Variants in SGCD observed in about 807,000 individuals in gnomAD.
SGCD encodes sarcoglycan delta, also known as delta-sarcoglycan.
In SGCD, 18 loss-of-function variants were observed where a neutral mutation model predicts 36.6. That is an observed-to-expected ratio of 0.49 (90% CI 0.34 to 0.73). The LOEUF is 0.73. Among genes scored for constraint, SGCD ranks in the 30% least tolerant of loss-of-function variants. The probability of loss-of-function intolerance (pLI) is 0.01; values close to 1 mark genes in which losing one functional copy is unlikely to be tolerated. For synonymous variants in SGCD, 133 were observed against 130.6 expected (o/e 1.02, Z -0.12); for missense variants, 387 against 346.7 (o/e 1.12, Z -0.92).
chr5:156,611,213 G>A (rs1194008888), intron 6 of SGCD, among the ~76,000 whole-genome samples: 3 of 152,236 alleles, frequency 2.0e-5, no homozygotes, highest in Non-Finnish European at 2.9e-5. Context: ...TACTTCTACA[G>A]TGAGCTTTAT....
At chr5:156,074,059 A>G (rs114064656) in intron 1 of SGCD, among the ~76,000 whole-genome samples, 1 of 152,216 alleles carries the variant, frequency 6.6e-6, no homozygotes, top group South Asian at 2.1e-4. Flanking sequence ...AGGAAGAGAA[A>G]TGGAGGGATA....
intron 1 of SGCD, among the ~76,000 whole-genome samples, chr5:155,982,979 C>T (rs965855087): frequency 9.2e-5 from 14 of 152,116 alleles, no homozygotes; most frequent in African/African-American, 3.4e-4. Context: ...AGGCAGGATC[C>T]AGTGCTTTTT....
intron 7 of SGCD, among the ~76,000 whole-genome samples, chr5:156,725,292 T>G (rs549140564): frequency 4.2e-4 from 64 of 152,318 alleles, no homozygotes; most frequent in African/African-American, 1.5e-3. Context: ...TCAGAAATGC[T>G]GTAGAGAGCC....
chr5:156,588,311 A>C (rs371427903), intron 4 of SGCD, among the ~76,000 whole-genome samples: 1 of 152,158 alleles, frequency 6.6e-6, no homozygotes, highest in South Asian at 2.1e-4. Flanking sequence ...TGTCATATTC[A>C]GATTATATTA....
At chr5:156,288,518 G>A (rs1365919751) in intron 3 of SGCD, among the ~76,000 whole-genome samples, 1 of 152,034 alleles carries the variant, frequency 6.6e-6, no homozygotes, top group African/African-American at 2.4e-5. Flanking sequence ...TTCAGTGTTT[G>A]TCCAAAAGAG....
intron 1 of SGCD, among the ~76,000 whole-genome samples, chr5:156,079,908 C>T (rs964761307): frequency 6.6e-6 from 1 of 152,200 alleles, no homozygotes; most frequent in African/African-American, 2.4e-5. Context: ...ACACAGTGCC[C>T]ACTGTGTGGG....
chr5:156,667,959 G>A (rs1753123262), intron 7 of SGCD, among the ~76,000 whole-genome samples: 1 of 152,126 alleles, frequency 6.6e-6, no homozygotes, highest in African/African-American at 2.4e-5. Flanking sequence ...TTAACAACAT[G>A]CACATAGGAA....
chr5:155,834,394 T>C, the SGCD span, among the ~76,000 whole-genome samples: 1 of 152,220 alleles, frequency 6.6e-6, no homozygotes, highest in Non-Finnish European at 1.5e-5. Context: ...GTTGGCTATA[T>C]ATGTTCATAA....
intron 1 of SGCD, among the ~76,000 whole-genome samples, chr5:155,983,751 A>C (rs1203517438): frequency 6.6e-6 from 1 of 152,208 alleles, no homozygotes; most frequent in Non-Finnish European, 1.5e-5. Context: ...AGAATGACAA[A>C]TTTGTACTGA....
intron 4 of SGCD, among the ~76,000 whole-genome samples, chr5:156,522,740 A>C (rs1473827344): frequency 6.6e-6 from 1 of 151,824 alleles, no homozygotes; most frequent in Non-Finnish European, 1.5e-5. Flanking sequence ...AGCACTTAAA[A>C]AAAAAAAAGA....
At chr5:156,516,317 C>T (rs1757157926) in intron 4 of SGCD, among the ~76,000 whole-genome samples, 1 of 152,152 alleles carries the variant, frequency 6.6e-6, no homozygotes, top group African/African-American at 2.4e-5. Context: ...GACAGAGCTC[C>T]CAGAGGAAGG....
intron 3 of SGCD, among the ~76,000 whole-genome samples, chr5:156,408,510 C>T (rs971789903): frequency 6.6e-5 from 10 of 152,066 alleles, no homozygotes; most frequent in Admixed American, 4.6e-4. Context: ...AGGCATGTGC[C>T]AACACACCCA....
chr5:156,736,441 C>T (rs1332228156), intron 7 of SGCD, among the ~76,000 whole-genome samples: 2 of 152,102 alleles, frequency 1.3e-5, no homozygotes, highest in African/African-American at 4.8e-5. Context: ...GTATATGGTA[C>T]AACACCAAAT....
At position 156,760,427 on chromosome 5, in the gene SGCD, C is replaced by G. The variant is rs902237767; in HGVS notation, c.*1037C>G. ...GTTTCTTGGGATTGGTGGGAAATGT[C>G]AAAACATGCCCTTTATTTTTAAAGG... On this transcript the variant is annotated 3_prime_UTR_variant, in exon 9 of 9. Transcript: ENST00000337851. The G allele has an allele frequency of 9.2e-5, 14 of 152,176 alleles. No homozygotes were observed. The highest frequency in any genetic ancestry group is 1.5e-5 in the Non-Finnish European group (1 of 68,028). The allele number at this position is 152,176 out of a possible 1,614,324, so 9.4% of individuals were successfully genotyped here. A position where few individuals can be genotyped will look rare whatever the true frequency, so the allele number is the denominator to read the frequency against.
upstream of SGCD, among the ~76,000 whole-genome samples, chr5:155,868,580 T>A (rs1037191332): frequency 6.6e-6 from 1 of 151,992 alleles, no homozygotes; most frequent in South Asian, 2.1e-4. Context: ...ATAGAAGCAG[T>A]TGGCAAGAAA....
chr5:156,332,053 C>T (rs1429953140), intron 2 of SGCD, among the ~76,000 whole-genome samples: 4 of 152,210 alleles, frequency 2.6e-5, no homozygotes, highest in South Asian at 2.1e-4. Flanking sequence ...TATCTGCTTC[C>T]CTCAGGGGTC....
intron 4 of SGCD, among the ~76,000 whole-genome samples, chr5:156,573,070 AATG>A (rs1183741054): frequency 6.6e-6 from 1 of 152,152 alleles, no homozygotes; most frequent in African/African-American, 2.4e-5. Flanking sequence ...ATTTTATATT[AATG>A]ATATTTATGA....
At chr5:155,936,208 C>G (rs1174865010) in intron 1 of SGCD, among the ~76,000 whole-genome samples, 1 of 152,182 alleles carries the variant, frequency 6.6e-6, no homozygotes, top group African/African-American at 2.4e-5. Context: ...CGTTTCAGCC[C>G]TGTATGTGTT....
At chr5:155,980,541 T>C (rs1460489885) in intron 1 of SGCD, among the ~76,000 whole-genome samples, 1 of 124,126 alleles carries the variant, frequency 8.1e-6, no homozygotes, top group Non-Finnish European at 1.6e-5. Flanking sequence ...TGAGCCGAGA[T>C]CTTGCCACTG....
Sources: gnomAD v4.1 joint callset for allele counts (sites outside exome capture counted in the v4.1 genomes callset) on GRCh38, gnomAD v4.1.1 for gene constraint, MANE v1.5 for transcripts, NCBI Gene and HGNC (gene_info 2026-07-23, HGNC 2026-07-21) for gene names.